The following TBC1D9B variants were observed in gnomAD, a reference collection of about 807,000 sequenced individuals.
TBC1D9B encodes TBC1 domain family, member 9B (with GRAM domain).
TBC1D9B carries 87 observed loss-of-function variants against 121.1 expected under a neutral mutation model. The observed-to-expected ratio is 0.72, with a 90% confidence interval of 0.60 to 0.86. The LOEUF (loss-of-function observed/expected upper bound fraction) is 0.86, where lower values mean the gene tolerates loss of function less well. TBC1D9B is among the 40% of genes least tolerant of loss of function. TBC1D9B has a pLI of 0.00. For synonymous variants in TBC1D9B, 668 were observed against 670.1 expected, an observed-to-expected ratio of 1.00 and a Z score of 0.05; for missense variants, 1,540 against 1,628.6, an observed-to-expected ratio of 0.95 and a Z score of 0.94.
chr5:179,875,833 T>G lies in TBC1D9B; in HGVS notation c.1900+87A>C. On this transcript the variant is annotated intron_variant, in intron 11 of 20. Coordinates refer to ENST00000355235, the MANE Select transcript of TBC1D9B (RefSeq NM_015043.4). The surrounding 1 kb of genome is among the most constrained non-coding windows in gnomAD (Gnocchi z 4.5). Reference sequence around the variant, plus strand: ...ACTCCTAGGGAACCCACGTGAAGCCTGGAGCTTGGCCTGGGAAGGGCTGCC... The same window carrying G: ...ACTCCTAGGGAACCCACGTGAAGCCGGGAGCTTGGCCTGGGAAGGGCTGCC... 5 of 1,106,098 alleles carry G rather than the reference T, an allele frequency of 4.5e-6. No individual in the cohort carries two copies. Among genetic ancestry groups the G allele is most frequent in the Non-Finnish European group, 2.5e-6 (2 of 791,450 alleles). 68.5% of individuals were successfully genotyped at this position (1,106,098 alleles called of 1,614,324 possible). A position where few individuals can be genotyped will look rare whatever the true frequency, so the allele number is the denominator to read the frequency against.
chr5:179,882,594 A>G (rs1330152429), intron 7 of TBC1D9B, among the ~76,000 whole-genome samples: 1 of 152,172 alleles, frequency 6.6e-6, no homozygotes, highest in African/African-American at 2.4e-5. Context: ...GTATAATCTC[A>G]GCACTCTGGG....
intron 3 of TBC1D9B, 116 bp downstream of exon 3, chr5:179,899,073 T>C: frequency 2.5e-6 from 2 of 806,126 alleles, no homozygotes; most frequent in Non-Finnish European, 4.0e-6. Context: ...GACACTTCAG[T>C]CTCCACCTTT....
chr5:179,872,550 G>A (rs868284395), intron 14 of TBC1D9B: 36 of 322,390 alleles, frequency 1.1e-4, no homozygotes, highest in African/African-American at 4.9e-4. Flanking sequence ...TGGGGTGTGC[G>A]GAGGATGGCG....
At chr5:179,889,075 G>C (rs1760782205) in intron 6 of TBC1D9B, among the ~76,000 whole-genome samples, 1 of 151,892 alleles carries the variant, frequency 6.6e-6, no homozygotes, top group Non-Finnish European at 1.5e-5. Context: ...TGTCGCCCAG[G>C]CTGGAGTGCA....
chr5:179,879,514 C>T, intron 8 of TBC1D9B, 114 bp downstream of exon 8: 1 of 1,526,192 alleles, frequency 6.6e-7, no homozygotes. Flanking sequence ...GTGGGCACTG[C>T]CCAGCGGTCA....
rs796278508 is a variant in TBC1D9B, at chr5:179,881,946, G to GTTTTTTTTTTTTTTT, written c.1255-2172_1255-2158dup. 2.5e-3 allele frequency among the ~76,000 whole-genome samples: 323 copies of GTTTTTTTTTTTTTTT among 128,262 alleles called. 21 individuals carry two copies. The highest frequency in any genetic ancestry group is 0.011 in the African/African-American group (316 of 29,948). The allele number at this position is 128,262 out of a possible 152,430, so 84.1% of individuals were successfully genotyped here. ...TTCCATATCTTTCCATATACCTTCC[G>GTTTTTTTTTTTTTTT]TTTTTTTTTTTTTTTTGAGATGGAG... On this transcript the variant is annotated intron_variant, in intron 7 of 20. Transcript: ENST00000355235.
chr5:179,898,927 G>A (rs867894834), intron 3 of TBC1D9B, among the ~76,000 whole-genome samples: 3 of 152,146 alleles, frequency 2.0e-5, no homozygotes, highest in African/African-American at 4.8e-5. Context: ...ATCTGCGTAC[G>A]CCTTCCAAGG....
Position 179,862,544 on chromosome 5 carries a change from A to T in TBC1D9B, c.*904T>A. ...GGGCATCCCCTGATGCAGGTTGGTC[A>T]GGACCTGCCCAGCTTGCACCAGCAG... On this transcript the variant is annotated 3_prime_UTR_variant, in exon 21 of 21. Transcript: ENST00000355235. 1 of 456,438 alleles carries T rather than the reference A, an allele frequency of 2.2e-6. No homozygotes were observed. The highest frequency in any genetic ancestry group is 1.5e-5 in the South Asian group (1 of 64,570). The allele number at this position is 456,438 out of a possible 1,614,324, so 28.3% of individuals were successfully genotyped here.
Position 179,872,942 on chromosome 5 carries a change from G to T in TBC1D9B, c.2365C>A (p.Gln789Lys). The change falls in exon 14 of 21, where the codon CAG (glutamine) becomes AAG (lysine). Residue 789 changes from glutamine (Q) to lysine (K), a missense_variant. Physicochemically the swap from Gln to Lys is moderately conservative, Grantham distance 53. Coordinates refer to ENST00000355235, the MANE Select transcript of TBC1D9B (RefSeq NM_015043.4). The part of the protein sequence containing the change: ...AEDIEQMRFK[Q>K]RLKVIQSLED... ...AAGGACTGGATCACTTTCAGCCTCTGTTTAAACCGCATCTGCTCAATGTCT... is the reference window on the plus strand; with the variant it reads ...AAGGACTGGATCACTTTCAGCCTCTTTTTAAACCGCATCTGCTCAATGTCT... 6.2e-7 allele frequency: 1 copy of T among 1,613,778 alleles called. No homozygotes were observed.
chr5:179,907,874 C>G lies in TBC1D9B; in HGVS notation c.-53G>C. On this transcript the variant is annotated 5_prime_UTR_variant, in exon 1 of 21. Transcript: ENST00000355235. The surrounding 1 kb of genome is among the most constrained non-coding windows in gnomAD (Gnocchi z 5.3). Reference sequence around the variant, plus strand: ...CCCGCGAGACGGAAGCGCCCGCCGCCGTCGGCGTCCCGGAGCGGAGCGTGC... The same window carrying G: ...CCCGCGAGACGGAAGCGCCCGCCGCGGTCGGCGTCCCGGAGCGGAGCGTGC... 2.2e-5 allele frequency: 22 copies of G among 980,234 alleles called. No individual in the cohort carries two copies. The highest frequency in any genetic ancestry group is 2.6e-5 in the Non-Finnish European group (21 of 817,244). 60.7% of individuals were successfully genotyped at this position (980,234 alleles called of 1,614,324 possible).
intron 7 of TBC1D9B, among the ~76,000 whole-genome samples, chr5:179,881,951 T>G (rs1486622874): frequency 6.7e-6 from 1 of 149,998 alleles, no homozygotes; most frequent in Admixed American, 6.6e-5. Context: ...CTTCCGTTTT[T>G]TTTTTTTTTT....
chr5:179,903,250 G>T (rs772422218), intron 2 of TBC1D9B, among the ~76,000 whole-genome samples: 3 of 152,236 alleles, frequency 2.0e-5, no homozygotes, highest in Non-Finnish European at 4.4e-5. Flanking sequence ...TCAACATAGA[G>T]AAGACCAAAG....
chr5:179,893,471 T>C lies in TBC1D9B; in HGVS notation c.578-4A>G. 1.3e-6 allele frequency: 2 copies of C among 1,594,578 alleles called. No individual in the cohort carries two copies. Among genetic ancestry groups the C allele is most frequent in the South Asian group, 1.1e-5 (1 of 87,816 alleles). On this transcript the variant is annotated splice_polypyrimidine_tract_variant and splice_region_variant and intron_variant, in intron 4 of 20. Coordinates refer to ENST00000355235, the MANE Select transcript of TBC1D9B (RefSeq NM_015043.4). ...ACCCACTGCACCACGAGGCTCACTGTGCCCACAGAGATAGACACACCGCAA... is the reference window on the plus strand; with the variant it reads ...ACCCACTGCACCACGAGGCTCACTGCGCCCACAGAGATAGACACACCGCAA...
At chr5:179,899,755 A>G (rs987454630) in intron 2 of TBC1D9B, among the ~76,000 whole-genome samples, 5 of 152,214 alleles carry the variant, frequency 3.3e-5, no homozygotes, top group African/African-American at 1.2e-4. Flanking sequence ...AGGTATCCAC[A>G]GATAAGCAGC....
intron 10 of TBC1D9B, 141 bp downstream of exon 10, chr5:179,878,168 T>G: frequency 1.0e-5 from 9 of 882,966 alleles, no homozygotes; most frequent in African/African-American, 1.7e-5. Flanking sequence ...TTAATACTGT[T>G]TTTAAATTAC....
In TBC1D9B at chr5:179,891,373, G is replaced by A. The variant is rs758570866; in HGVS notation, c.1044+6C>T. 3 of 1,614,092 alleles carry A rather than the reference G, an allele frequency of 1.9e-6. No individual in the cohort carries two copies. In the African/African-American group the frequency reaches 4.0e-5, roughly 22 times the overall value. On this transcript the variant is annotated splice_donor_region_variant and intron_variant, in intron 6 of 20. Transcript: ENST00000355235. The surrounding 1 kb of genome is among the most constrained non-coding windows in gnomAD (Gnocchi z 4.3). ...GGCCTTGGCCTCTCAACTAGGGGAT[G>A]CTGACCTCCCTCAGGGGTATGATGA...
At chr5:179,880,114 C>T in intron 7 of TBC1D9B, 1 of 371,592 alleles carries the variant, frequency 2.7e-6, no homozygotes, top group Middle Eastern at 7.5e-4. Flanking sequence ...AGGCCCTATC[C>T]TAACGTGGAG....
At chr5:179,866,168 C>A in intron 18 of TBC1D9B, 1 of 410,998 alleles carries the variant, frequency 2.4e-6, no homozygotes, top group South Asian at 2.5e-5. Flanking sequence ...TCTCAACATG[C>A]TGGTTTTGAC....
intron 3 of TBC1D9B, among the ~76,000 whole-genome samples, chr5:179,897,222 TG>T (rs1299042486): frequency 6.6e-6 from 1 of 152,290 alleles, no homozygotes; most frequent in Non-Finnish European, 1.5e-5. Flanking sequence ...TTCCTTCTTT[TG>T]TAAGACTGAA....
Sources: allele counts gnomAD v4.1 joint callset (sites outside exome capture counted in the v4.1 genomes callset), GRCh38; gene constraint gnomAD v4.1.1; non-coding constraint Gnocchi (gnomAD v3.1); transcripts MANE v1.5; gene names NCBI Gene and HGNC (gene_info 2026-07-23, HGNC 2026-07-21).